The following MYO5B variants were observed in gnomAD, a reference collection of about 807,000 sequenced individuals.
MYO5B encodes the protein unconventional myosin-Vb.
MYO5B carries 143 observed loss-of-function variants against 229.3 expected under a neutral mutation model. The observed-to-expected ratio is 0.62, with a 90% CI of 0.54 to 0.72. The LOEUF is 0.72. MYO5B is among the 30% of genes least tolerant of loss of function. The pLI, the probability that MYO5B is intolerant of heterozygous loss-of-function variation, is 0.00. For synonymous variants in MYO5B, 918 were observed against 885.2 expected (o/e 1.04, Z -0.66); for missense variants, 2,321 against 2,331.0 (o/e 1.00, Z 0.09).
intron 1 of MYO5B, among the ~76,000 whole-genome samples, chr18:50,071,197 A>G (rs939401990): frequency 6.6e-6 from 1 of 152,134 alleles, no homozygotes; most frequent in African/African-American, 2.4e-5. Context: ...TGCTGAAGAT[A>G]TCTTCCTCCC....
Position 49,895,214 on chromosome 18 carries a change from G to C in MYO5B, c.2812-40C>G, listed in dbSNP as rs780630956. 2.0e-6 allele frequency: 3 copies of C among 1,537,082 alleles called. No homozygotes were observed. In the South Asian group the frequency reaches 3.4e-5, roughly 17 times the overall value. ...AGCAAACAAGGAGAAGGGAGAAGAA[G>C]TGGGGGAAGAAAAGGTTATTTTACC... On this transcript the variant is annotated intron_variant, in intron 21 of 39. Coordinates refer to ENST00000285039, the MANE Select transcript of MYO5B (RefSeq NM_001080467.3).
chr18:50,014,219 G>T (rs1225561828), intron 4 of MYO5B, among the ~76,000 whole-genome samples: 1 of 138,546 alleles, frequency 7.2e-6, no homozygotes, highest in Non-Finnish European at 1.5e-5. Context: ...TAAATACTTT[G>T]TTTCACAAAT....
chr18:49,946,707 G>T (rs1568042176), intron 14 of MYO5B, among the ~76,000 whole-genome samples: 2 of 152,166 alleles, frequency 1.3e-5, no homozygotes. Flanking sequence ...TGAAGAATTT[G>T]TATGTTATTT....
At chr18:49,904,939 G>T in intron 19 of MYO5B, 111 bp from the exon 20 acceptor site, 2 of 1,333,432 alleles carry the variant, frequency 1.5e-6, no homozygotes, top group Non-Finnish European at 1.0e-6. Flanking sequence ...GGCCCTACCT[G>T]GACACACCCA....
chr18:50,127,344 C>G (rs1305116425), intron 1 of MYO5B, among the ~76,000 whole-genome samples: 1 of 152,208 alleles, frequency 6.6e-6, no homozygotes, highest in African/African-American at 2.4e-5. Flanking sequence ...GTAATCCCAG[C>G]AGCCAAGTTT....
chr18:50,070,837 A>C (rs1598997447), intron 1 of MYO5B, among the ~76,000 whole-genome samples: 3 of 141,066 alleles, frequency 2.1e-5, no homozygotes, highest in Admixed American at 1.4e-4. Context: ...CTCATCCCAC[A>C]CTCCAGCCAC....
At chr18:50,068,715 A>AT (rs1275411979) in intron 1 of MYO5B, among the ~76,000 whole-genome samples, 2 of 152,198 alleles carry the variant, frequency 1.3e-5, no homozygotes, top group Non-Finnish European at 2.9e-5. Flanking sequence ...GCTCTGGTCA[A>AT]TAAGTTACCA....
intron 1 of MYO5B, among the ~76,000 whole-genome samples, chr18:50,056,251 A>T (rs964467513): frequency 6.6e-6 from 1 of 152,202 alleles, no homozygotes; most frequent in African/African-American, 2.4e-5. Context: ...CATTCTCAAC[A>T]TAACTAGGAG....
intron 22 of MYO5B, among the ~76,000 whole-genome samples, chr18:49,892,312 C>T (rs2024724801): frequency 6.6e-6 from 1 of 152,224 alleles, no homozygotes; most frequent in Admixed American, 6.5e-5. Flanking sequence ...TGCGACAGAG[C>T]TGCTCTGGAC....
chr18:50,088,305 G>A (rs1469154282), intron 1 of MYO5B, among the ~76,000 whole-genome samples: 1 of 152,204 alleles, frequency 6.6e-6, no homozygotes, highest in Non-Finnish European at 1.5e-5. Context: ...ACAAAGGTGA[G>A]ATTGGAACTG....
intron 18 of MYO5B, among the ~76,000 whole-genome samples, chr18:49,909,680 C>T (rs1220620411): frequency 6.6e-6 from 1 of 152,098 alleles, no homozygotes; most frequent in Non-Finnish European, 1.5e-5. Context: ...AGGGGATGAA[C>T]ACAATAAAGG....
intron 39 of MYO5B, among the ~76,000 whole-genome samples, chr18:49,830,113 ACAT>A (rs1013628910): frequency 6.6e-6 from 1 of 150,786 alleles, no homozygotes; most frequent in Non-Finnish European, 1.5e-5. Context: ...CTTGCAGACA[ACAT>A]ATCTTACATG....
chr18:50,074,003 C>T (rs1214483724), intron 1 of MYO5B, among the ~76,000 whole-genome samples: 1 of 152,180 alleles, frequency 6.6e-6, no homozygotes, highest in Non-Finnish European at 1.5e-5. Context: ...TGCTTCTGCT[C>T]TCAACCTCCA....
chr18:49,877,619 A>C (rs1284622661), intron 25 of MYO5B, 144 bp downstream of exon 25: 24 of 1,076,050 alleles, frequency 2.2e-5, no homozygotes, highest in Non-Finnish European at 3.3e-5. Flanking sequence ...ACTGTAGTCC[A>C]AGTGATCCTG....
chr18:49,972,244 A>C (rs1168334404), intron 10 of MYO5B, among the ~76,000 whole-genome samples: 1 of 152,228 alleles, frequency 6.6e-6, no homozygotes, highest in Non-Finnish European at 1.5e-5. Flanking sequence ...ATGTTAGAGA[A>C]AACAAACAAT....
intron 1 of MYO5B, among the ~76,000 whole-genome samples, chr18:50,118,967 AC>A (rs56167856): frequency 0.044 from 6,650 of 152,232 alleles, 171 homozygotes; most frequent in Non-Finnish European, 0.061. Context: ...TCAACTATCA[AC>A]CTTCCTGGGA....
chr18:50,117,171 A>C (rs745630734), intron 1 of MYO5B, among the ~76,000 whole-genome samples: 3 of 152,190 alleles, frequency 2.0e-5, no homozygotes, highest in Non-Finnish European at 4.4e-5. Flanking sequence ...GGGTGATTAA[A>C]AAAAGCAACT....
intron 4 of MYO5B, among the ~76,000 whole-genome samples, chr18:50,022,456 C>A (rs182514525): frequency 6.6e-6 from 1 of 152,280 alleles, no homozygotes; most frequent in Admixed American, 6.5e-5. Flanking sequence ...TTATGACATT[C>A]TCCTTCCTCA....
At chr18:50,137,342 G>T (rs1568120855) in intron 1 of MYO5B, among the ~76,000 whole-genome samples, 1 of 152,182 alleles carries the variant, frequency 6.6e-6, no homozygotes, top group Non-Finnish European at 1.5e-5. Context: ...GAAACCCAAA[G>T]ATGACTAAGA....
Sources: gnomAD v4.1 joint callset for allele counts (sites outside exome capture counted in the v4.1 genomes callset) on GRCh38, gnomAD v4.1.1 for gene constraint, MANE v1.5 for transcripts, NCBI Gene and HGNC (gene_info 2026-07-23, HGNC 2026-07-21) for gene names.